ERI3: variants seen among roughly 807,000 people sequenced by gnomAD.
ERI3 encodes the protein ERI1 exoribonuclease 3.
In ERI3, 18 loss-of-function variants were observed where a neutral mutation model predicts 44.4. The observed-to-expected ratio is 0.41, with a 90% CI of 0.28 to 0.60. The LOEUF (loss-of-function observed/expected upper bound fraction) is 0.60. ERI3 is among the 20% of genes least tolerant of loss of function. The pLI, the probability that ERI3 is intolerant of heterozygous loss-of-function variation, is 0.36. For synonymous variants in ERI3, 183 were observed against 164.8 expected (o/e 1.11, Z -0.84); for missense variants, 294 against 435.5 (o/e 0.68, Z 2.89).
At chr1:44,314,817 T>C (rs549257270) in intron 4 of ERI3, among the ~76,000 whole-genome samples, 25 of 152,116 alleles carry the variant, frequency 1.6e-4, no homozygotes, top group African/African-American at 6.0e-4. Flanking sequence ...TGAAGAAAAA[T>C]GTAAAAACTC....
Position 44,339,340 on chromosome 1 carries a change from TA to T in ERI3, c.212-19del, listed in dbSNP as rs372090718. On this transcript the variant is annotated intron_variant, in intron 2 of 8. Transcript: ENST00000372257. ...ATCTAAAACTTAGGGGAGGAAAGTTTAAAAAAAAAAAAAAAAAAGAAAAGAA... is the reference window on the plus strand; with the variant it reads ...ATCTAAAACTTAGGGGAGGAAAGTTTAAAAAAAAAAAAAAAAAGAAAAGAA... 238,210 of 933,666 alleles carry T rather than the reference TA, an allele frequency of 0.26. 2 individuals carry two copies. Among genetic ancestry groups the T allele is most frequent in the Middle Eastern group, 0.28 (675 of 2,388 alleles). 57.8% of individuals were successfully genotyped at this position (933,666 alleles called of 1,614,324 possible).
At chr1:44,310,951 T>TTGTG (rs1553195164) in intron 5 of ERI3, among the ~76,000 whole-genome samples, 2 of 95,026 alleles carry the variant, frequency 2.1e-5, no homozygotes, top group Admixed American at 2.0e-4. Flanking sequence ...TATGTGCACA[T>TTGTG]CGCGCGCGCG....
chr1:44,311,922 T>C (rs1235774223), intron 5 of ERI3, among the ~76,000 whole-genome samples: 1 of 151,940 alleles, frequency 6.6e-6, no homozygotes, highest in Non-Finnish European at 1.5e-5. Context: ...AGATGGTCAA[T>C]ATGGCTGGGA....
intron 2 of ERI3, among the ~76,000 whole-genome samples, chr1:44,340,444 C>A (rs1319612626): frequency 6.6e-6 from 1 of 152,168 alleles, no homozygotes; most frequent in Non-Finnish European, 1.5e-5. Context: ...CCAACACAAC[C>A]AAAGGCTTGC....
chr1:44,295,174 C>T (rs1312347650), intron 6 of ERI3, among the ~76,000 whole-genome samples: 2 of 152,124 alleles, frequency 1.3e-5, no homozygotes, highest in Non-Finnish European at 2.9e-5. Flanking sequence ...CATCAGGCTA[C>T]TTCATGGACT....
chr1:44,283,912 G>C (rs1645338587), intron 7 of ERI3: 1 of 443,074 alleles, frequency 2.3e-6, no homozygotes, highest in Non-Finnish European at 4.7e-6. Flanking sequence ...CCCAGGTCAA[G>C]ACTCAAATCC....
chr1:44,351,265 G>A (rs1406008134), intron 2 of ERI3, among the ~76,000 whole-genome samples: 2 of 151,898 alleles, frequency 1.3e-5, no homozygotes, highest in Admixed American at 6.6e-5. Context: ...AACTCCTGAC[G>A]TCAAGTGATC....
chr1:44,324,774 G>A (rs933982504), intron 3 of ERI3, among the ~76,000 whole-genome samples: 5 of 152,066 alleles, frequency 3.3e-5, no homozygotes, highest in African/African-American at 1.2e-4. Context: ...GAGCCACCGC[G>A]CCCGGCCAAC....
chr1:44,276,966 ACT>A (rs1645191573), intron 7 of ERI3, among the ~76,000 whole-genome samples: 1 of 152,178 alleles, frequency 6.6e-6, no homozygotes, highest in South Asian at 2.1e-4. Context: ...ATCAACCTCA[ACT>A]GGATCCTCAA....
rs1311393369 is a variant in ERI3, at chr1:44,252,824, G to A, written c.832-4786C>T. 2.0e-5 allele frequency among the ~76,000 whole-genome samples: 3 copies of A among 152,154 alleles called. No individual in the cohort carries two copies. The highest frequency in any genetic ancestry group is 4.4e-5 in the Non-Finnish European group (3 of 68,036). On this transcript the variant is annotated intron_variant, in intron 7 of 8. Transcript: ENST00000372257. This position sits in a 1 kb window ranked among gnomAD's most constrained non-coding sequence, Gnocchi z 4.7. ...CGCACAGTGGGAAGGGCTGTGGTTG[G>A]GCTAAATGGCTAGAACCCAGCTCAG... is the stretch of plus-strand genomic sequence containing the variant.
At chr1:44,238,833 G>A (rs1396372840) in intron 8 of ERI3, among the ~76,000 whole-genome samples, 5 of 152,012 alleles carry the variant, frequency 3.3e-5, no homozygotes, top group African/African-American at 1.2e-4. Context: ...AGGGGAGGAA[G>A]AGTCCCCTCC....
At chr1:44,231,533 G>A (rs1267969466) in intron 8 of ERI3, among the ~76,000 whole-genome samples, 2 of 151,990 alleles carry the variant, frequency 1.3e-5, no homozygotes, top group African/African-American at 4.8e-5. Context: ...CACCATGCCT[G>A]GCTTTTTTTT....
At chr1:44,300,052 T>C (rs1645691306) in intron 6 of ERI3, among the ~76,000 whole-genome samples, 1 of 152,112 alleles carries the variant, frequency 6.6e-6, no homozygotes, top group Non-Finnish European at 1.5e-5. Flanking sequence ...GAGGAGGTGA[T>C]AAGACTCTCA....
Position 44,355,144 on chromosome 1 carries a change from C to G in ERI3, c.-118G>C. On this transcript the variant is annotated 5_prime_UTR_variant, in exon 1 of 9. Coordinates refer to ENST00000372257, the MANE Select transcript of ERI3 (RefSeq NM_024066.3). ...TGGCGGCGGCGGGCGCGGCCCGCGC[C>G]GACTGCGGCGCCGGCCAGGCAGAGG... 8.2e-7 allele frequency: 1 copy of G among 1,224,958 alleles called. No homozygotes were observed. The highest frequency in any genetic ancestry group is 1.0e-6 in the Non-Finnish European group (1 of 979,964). The allele number at this position is 1,224,958 out of a possible 1,614,324, so 75.9% of individuals were successfully genotyped here. A position where few individuals can be genotyped will look rare whatever the true frequency, so the allele number is the denominator to read the frequency against.
At chr1:44,338,092 C>G (rs985985298) in intron 3 of ERI3, among the ~76,000 whole-genome samples, 1 of 152,152 alleles carries the variant, frequency 6.6e-6, no homozygotes, top group African/African-American at 2.4e-5. Context: ...AACTTAAAAG[C>G]TAAAAGGTCT....
Position 44,354,891 on chromosome 1 carries a change from C to T in ERI3, c.135+1G>A. 3.0e-6 allele frequency: 4 copies of T among 1,316,952 alleles called. No homozygotes were observed. The South Asian group carries it at 1.2e-4, about 40-fold the overall frequency. 81.6% of individuals were successfully genotyped at this position (1,316,952 alleles called of 1,614,324 possible). ...TGGCGGGGCCATTCAGCATCACCCA[C>T]CCCGGGGTGTTGCCCCCAACTCGGG... is the stretch of plus-strand genomic sequence containing the variant. On this transcript the variant is annotated splice_donor_variant, in intron 1 of 8. Coordinates refer to ENST00000372257, the MANE Select transcript of ERI3 (RefSeq NM_024066.3). LOFTEE classifies it high-confidence loss of function.
intron 8 of ERI3, among the ~76,000 whole-genome samples, chr1:44,242,487 G>GTGGGGGTCCCCCACAGGAA (rs1553182624): frequency 2.0e-5 from 3 of 152,232 alleles, no homozygotes; most frequent in Admixed American, 6.5e-5. Flanking sequence ...CTTGCCTTGA[G>GTGGGGGTCCCCCACAGGAA]TGGGGGTCCC....
At chr1:44,316,714 A>C (rs1646095009) in intron 4 of ERI3, among the ~76,000 whole-genome samples, 1 of 152,236 alleles carries the variant, frequency 6.6e-6, no homozygotes, top group Admixed American at 6.5e-5. Context: ...TTATAAGTAC[A>C]GGTGCAAGAC....
intron 6 of ERI3, among the ~76,000 whole-genome samples, chr1:44,287,080 A>G (rs1645408677): frequency 6.6e-6 from 1 of 152,242 alleles, no homozygotes; most frequent in Admixed American, 6.5e-5. Context: ...TGCAATATAT[A>G]GAAATGATTT....
Sources: gnomAD v4.1 joint callset for allele counts (sites outside exome capture counted in the v4.1 genomes callset) on GRCh38, gnomAD v4.1.1 for gene constraint, Gnocchi (gnomAD v3.1) non-coding constraint, MANE v1.5 for transcripts, NCBI Gene and HGNC (gene_info 2026-07-23, HGNC 2026-07-21) for gene names.